PXDN: variants seen among roughly 807,000 people sequenced by gnomAD.
PXDN encodes peroxidasin.
Under a neutral mutation model 140.3 loss-of-function variants are expected in PXDN, and 77 were observed. The observed-to-expected ratio is 0.55, with a 90% CI of 0.46 to 0.66. The LOEUF (loss-of-function observed/expected upper bound fraction) is 0.66. Among genes scored for constraint, PXDN ranks in the 30% least tolerant of loss-of-function variants. The probability of loss-of-function intolerance (pLI) is 0.00; values close to 1 mark genes in which losing one functional copy is unlikely to be tolerated. For synonymous variants in PXDN, 911 were observed against 857.4 expected, an observed-to-expected ratio of 1.06 and a Z score of -1.09; for missense variants, 1,838 against 2,039.5, an observed-to-expected ratio of 0.90 and a Z score of 1.90.
rs1178045378 is a variant in PXDN at position 1,633,424 on chromosome 2, G to A, written c.*780C>T. The A allele has an allele frequency of 2.0e-5, 3 of 152,090 alleles. No individual in the cohort carries two copies. Among genetic ancestry groups the A allele is most frequent in the African/African-American group, 7.2e-5 (3 of 41,418 alleles). The allele number at this position is 152,090 out of a possible 1,614,324, so 9.4% of individuals were successfully genotyped here. On this transcript the variant is annotated 3_prime_UTR_variant, in exon 23 of 23. Transcript: ENST00000252804. ...GTATGTGTGCAAGTGACAGCTGAAA[G>A]CAAACCTGTTTCTAAATGTGGCTTA...
intron 14 of PXDN, among the ~76,000 whole-genome samples, chr2:1,655,109 C>G (rs1683099362): frequency 6.6e-6 from 1 of 151,512 alleles, no homozygotes; most frequent in East Asian, 2.0e-4. Flanking sequence ...CACAGACACA[C>G]ACACTATACA....
At chr2:1,715,655 C>G (rs1446142467) in intron 1 of PXDN, among the ~76,000 whole-genome samples, 2 of 152,188 alleles carry the variant, frequency 1.3e-5, no homozygotes, top group Admixed American at 1.3e-4. Flanking sequence ...CCAGCCCTGG[C>G]TTGCAGCAGC....
intron 19 of PXDN, among the ~76,000 whole-genome samples, chr2:1,640,647 G>A (rs1488234504): frequency 2.0e-5 from 3 of 152,216 alleles, no homozygotes; most frequent in African/African-American, 7.2e-5. Flanking sequence ...CTCAGGAGCA[G>A]AGAAGAGCAG....
chr2:1,633,202 T>C lies in PXDN; in HGVS notation c.*1002A>G, dbSNP rs1682458524. 1 of 140,694 alleles carries C rather than the reference T, an allele frequency of 7.1e-6. No homozygotes were observed. Among genetic ancestry groups the C allele is most frequent in the African/African-American group, 2.7e-5 (1 of 37,590 alleles). The allele number at this position is 140,694 out of a possible 1,614,324, so 8.7% of individuals were successfully genotyped here. ...TTTTTTTTAACGCACTCACACAACCTGAAGTTAGACAGTTCCCGACACTTG... is the reference window on the plus strand; with the variant it reads ...TTTTTTTTAACGCACTCACACAACCCGAAGTTAGACAGTTCCCGACACTTG... On this transcript the variant is annotated 3_prime_UTR_variant, in exon 23 of 23. Coordinates refer to ENST00000252804, the MANE Select transcript of PXDN (RefSeq NM_012293.3).
At position 1,660,941 on chromosome 2, in the gene PXDN, CAT is replaced by C; in HGVS notation, c.1775_1776del (p.Tyr592Ter). Reference sequence around the variant, plus strand: ...CCAATGGTGTTCCGGGCCACACACTCATAGCGACCTGCGTCTGCAGGGCCAAC... The same window carrying C: ...CCAATGGTGTTCCGGGCCACACACTCAGCGACCTGCGTCTGCAGGGCCAAC... Reference protein sequence around the residue: ...NDVGPADAGRYECVARNTIGS... With the variant: ...NDVGPADAGRXECVARNTIGS... On this transcript the variant is annotated frameshift_variant, in exon 14 of 23. Coordinates refer to ENST00000252804, the MANE Select transcript of PXDN (RefSeq NM_012293.3). LOFTEE classifies it high-confidence loss of function. This position sits in a 1 kb window ranked among gnomAD's most constrained non-coding sequence, Gnocchi z 4.6. 6.2e-7 allele frequency: 1 copy of C among 1,614,006 alleles called. No individual in the cohort carries two copies. Among genetic ancestry groups the C allele is most frequent in the South Asian group, 1.1e-5 (1 of 91,082 alleles).
chr2:1,661,211 C>T (rs1023860342), intron 13 of PXDN, among the ~76,000 whole-genome samples, 174 bp from the exon 14 acceptor site: 4 of 152,194 alleles, frequency 2.6e-5, no homozygotes, highest in Non-Finnish European at 4.4e-5. Context: ...TCAGTTCTCC[C>T]AGTGCCAAGC....
chr2:1,643,738 C>T (rs1682782731), intron 18 of PXDN, among the ~76,000 whole-genome samples, 162 bp from the exon 19 acceptor site: 1 of 152,122 alleles, frequency 6.6e-6, no homozygotes, highest in African/African-American at 2.4e-5. Flanking sequence ...CTCACATCCC[C>T]TACCCCATAA....
intron 12 of PXDN, among the ~76,000 whole-genome samples, chr2:1,663,132 G>A (rs114356403): frequency 0.016 from 2,375 of 152,278 alleles, 64 homozygotes; most frequent in African/African-American, 0.055. Flanking sequence ...CATCCAAAAA[G>A]AACAAGATGA....
chr2:1,691,024 G>A (rs1471913667), intron 3 of PXDN, among the ~76,000 whole-genome samples: 1 of 152,170 alleles, frequency 6.6e-6, no homozygotes, highest in Non-Finnish European at 1.5e-5. Flanking sequence ...GTTGATGGGT[G>A]CAGCAAAGCA....
intron 1 of PXDN, among the ~76,000 whole-genome samples, chr2:1,728,429 C>A (rs1685239917): frequency 6.6e-6 from 1 of 152,224 alleles, no homozygotes; most frequent in African/African-American, 2.4e-5. Context: ...AAATTTGTGA[C>A]TTCACCTCGA....
At chr2:1,645,656 C>T (rs1171246036) in intron 17 of PXDN, among the ~76,000 whole-genome samples, 1 of 152,200 alleles carries the variant, frequency 6.6e-6, no homozygotes, top group Non-Finnish European at 1.5e-5. Context: ...CAAATTGTCC[C>T]TTTTTCTTCT....
Position 1,649,035 on chromosome 2 carries a change from C to T in PXDN, c.2745G>A (p.Val915=), listed in dbSNP as rs781084401. 21 of 1,612,504 alleles carry T rather than the reference C, an allele frequency of 1.3e-5. No individual in the cohort carries two copies. The highest frequency in any genetic ancestry group is 1.7e-5 in the Non-Finnish European group (20 of 1,179,726). ...GGGCCTCATGCTCCGTGCTCCCGTA[C>T]ACGTTGGATGCGTCTATGTAGGAGG... is the stretch of plus-strand genomic sequence containing the variant. ...QLTSYIDASN[V]YGSTEHEARS... Residue 915 remains valine (V), a synonymous_variant, in exon 17 of 23, where the codon GTG becomes GTA. Coordinates refer to ENST00000252804, the MANE Select transcript of PXDN (RefSeq NM_012293.3). The surrounding 1 kb of genome is among the most constrained non-coding windows in gnomAD (Gnocchi z 7.1).
At chr2:1,680,483 C>T in intron 6 of PXDN, 121 bp from the exon 7 acceptor site, 1 of 1,228,788 alleles carries the variant, frequency 8.1e-7, no homozygotes, top group East Asian at 2.5e-5. Flanking sequence ...AGGCTTGCGA[C>T]ATGGGGATGG....
intron 8 of PXDN, among the ~76,000 whole-genome samples, chr2:1,675,088 C>G (rs1276772271): frequency 6.6e-6 from 1 of 152,192 alleles, no homozygotes; most frequent in Non-Finnish European, 1.5e-5. Flanking sequence ...GCAATCTGTC[C>G]TTACCCACAG....
Position 1,635,496 on chromosome 2 carries a change from C to G in PXDN, c.4232G>C (p.Ser1411Thr), listed in dbSNP as rs771346203. The G allele has an allele frequency of 1.9e-6, 3 of 1,595,260 alleles. No homozygotes were observed. Among genetic ancestry groups the G allele is most frequent in the Non-Finnish European group, 2.6e-6 (3 of 1,169,728 alleles). ...CCCGGCATCCACGCACTCTGTGGTA[C>G]TGAGCCGTGATTCAAGTTTCTTTAT... is the stretch of plus-strand genomic sequence containing the variant. The part of the protein sequence containing the change: ...TQIKKLESRL[S>T]TTECVDAGGE... The change falls in exon 22 of 23, where the codon AGT (serine) becomes ACT (threonine). Residue 1411 changes from serine to threonine, a missense_variant. Around this residue, in one of 5 missense-constraint regions of PXDN, gnomAD observed 850 missense variants for 894.1 expected, o/e 0.95. Coordinates refer to ENST00000252804, the MANE Select transcript of PXDN (RefSeq NM_012293.3).
rs201662424 is a variant in PXDN at position 1,648,783 on chromosome 2, G to A, written c.2997C>T (p.Ala999=). The A allele has an allele frequency of 3.1e-5, 50 of 1,604,134 alleles. No individual in the cohort carries two copies. The highest frequency in any genetic ancestry group is 4.1e-5 in the Non-Finnish European group (48 of 1,176,226). The change falls in exon 17 of 23, where the codon GCC becomes GCT. Residue 999 remains alanine (A), a synonymous_variant. Coordinates refer to ENST00000252804, the MANE Select transcript of PXDN (RefSeq NM_012293.3). The surrounding 1 kb of genome is among the most constrained non-coding windows in gnomAD (Gnocchi z 8.9). ...TLWFREHNRI[A]TELLKLNPHW... ...GCGGGTTCAGCTTGAGCAGCTCCGT[G>A]GCAATGCGGTTGTGCTCGCGGAACC...
At chr2:1,727,370 T>C (rs1685211033) in intron 1 of PXDN, among the ~76,000 whole-genome samples, 1 of 152,208 alleles carries the variant, frequency 6.6e-6, no homozygotes, top group African/African-American at 2.4e-5. Flanking sequence ...CGTAACGTAA[T>C]AAGTAGCATC....
intron 1 of PXDN, among the ~76,000 whole-genome samples, chr2:1,744,001 G>T (rs910905374): frequency 6.6e-6 from 1 of 152,124 alleles, no homozygotes; most frequent in Non-Finnish European, 1.5e-5. Context: ...AGGCGGCTAC[G>T]AAGGCCGCGC....
chr2:1,649,229 A>T lies in PXDN; in HGVS notation c.2551T>A (p.Cys851Ser). 5 of 1,613,020 alleles carry T rather than the reference A, an allele frequency of 3.1e-6. No homozygotes were observed. The highest frequency in any genetic ancestry group is 4.2e-6 in the Non-Finnish European group (5 of 1,179,760). The change falls in exon 17 of 23, where the codon TGC becomes AGC. Residue 851 changes from cysteine (C) to serine (S), a missense_variant. Physicochemically the swap from Cys to Ser is moderately radical, Grantham distance 112 (BLOSUM62 -1). Around this residue, in one of 5 missense-constraint regions of PXDN, gnomAD observed 850 missense variants for 894.1 expected, o/e 0.95. Transcript: ENST00000252804. This position sits in a 1 kb window ranked among gnomAD's most constrained non-coding sequence, Gnocchi z 7.1. ...FSDGQHCSNVCSNDPPCFSVM... is the reference protein window; with the variant it reads ...FSDGQHCSNVSSNDPPCFSVM... The stretch of plus-strand genomic sequence containing the variant: ...GAGAAGCAGGGGGGGTCGTTGCTGC[A>T]CACGTTGCTGCAGTGCTGTCCGTCG...
Sources: gnomAD v4.1 joint callset for allele counts (sites outside exome capture counted in the v4.1 genomes callset) on GRCh38, gnomAD v4.1.1 for gene constraint, gnomAD v4.1.1 regional missense constraint, Gnocchi (gnomAD v3.1) non-coding constraint, MANE v1.5 for transcripts, NCBI Gene and HGNC (gene_info 2026-07-23, HGNC 2026-07-21) for gene names.